PDE7A: variants seen among roughly 807,000 people sequenced by gnomAD.
PDE7A encodes the protein high affinity 3',5'-cyclic-AMP phosphodiesterase 7A.
In PDE7A, 39 loss-of-function variants were observed where a neutral mutation model predicts 64.3. The ratio of observed to expected loss-of-function variants is 0.61; its 90% CI spans 0.47 to 0.79. The LOEUF (loss-of-function observed/expected upper bound fraction) is 0.79, where lower values mean the gene tolerates loss of function less well. PDE7A is among the 30% of genes least tolerant of loss of function. PDE7A has a pLI of 0.00. For synonymous variants in PDE7A, 203 were observed against 206.8 expected, an observed-to-expected ratio of 0.98 and a Z score of 0.16; for missense variants, 470 against 582.8, an observed-to-expected ratio of 0.81 and a Z score of 1.99.
intron 1 of PDE7A, among the ~76,000 whole-genome samples, chr8:65,812,227 A>G (rs1810274548): frequency 1.3e-5 from 2 of 152,206 alleles, no homozygotes; most frequent in South Asian, 4.1e-4. Context: ...AAAAAAAAAA[A>G]AGTCCAGGAA....
chr8:65,765,200 A>G lies in PDE7A; in HGVS notation c.283+14520T>C, dbSNP rs1344924035. Among the ~76,000 whole-genome samples the G allele has an allele frequency of 2.0e-5, 3 of 152,182 alleles. No homozygotes were observed. The East Asian group carries it at 5.8e-4, about 29-fold the overall frequency. On this transcript the variant is annotated intron_variant, in intron 3 of 12. Transcript: ENST00000401827. Reference sequence around the variant, plus strand: ...TTAAAATGAATACAGAGCTCAAGATAATGGGCGAGCCGGGCGCGGTGGCTC... The same window carrying G: ...TTAAAATGAATACAGAGCTCAAGATGATGGGCGAGCCGGGCGCGGTGGCTC...
intron 1 of PDE7A, among the ~76,000 whole-genome samples, chr8:65,785,612 A>G (rs990646335): frequency 1.3e-5 from 2 of 152,150 alleles, no homozygotes; most frequent in African/African-American, 4.8e-5. Flanking sequence ...CAATACCACC[A>G]ATCTAGGGGT....
intron 5 of PDE7A, among the ~76,000 whole-genome samples, chr8:65,740,836 T>C (rs1412111556): frequency 6.6e-6 from 1 of 152,170 alleles, no homozygotes; most frequent in African/African-American, 2.4e-5. Flanking sequence ...AGCATCAGCA[T>C]TCAGACATGT....
rs538143314 is a variant in PDE7A at position 65,775,759 on chromosome 8, C to G, written c.283+3961G>C. Among the ~76,000 whole-genome samples the G allele has an allele frequency of 1.1e-4, 16 of 152,300 alleles. No individual in the cohort carries two copies. The South Asian group carries it at 3.3e-3, about 32-fold the overall frequency. On this transcript the variant is annotated intron_variant, in intron 3 of 12. Transcript: ENST00000401827. ...TCTCCTGCCTCAGCCTCCTGAGTGG[C>G]TGGGATTACAGGCACGCACCACTGC...
chr8:65,749,351 A>G (rs1285684071), intron 3 of PDE7A, among the ~76,000 whole-genome samples: 2 of 152,234 alleles, frequency 1.3e-5, no homozygotes, highest in Non-Finnish European at 2.9e-5. Context: ...TGAGGTTCCC[A>G]TACACACAAA....
At chr8:65,752,005 C>T (rs1265477025) in intron 3 of PDE7A, among the ~76,000 whole-genome samples, 2 of 152,228 alleles carry the variant, frequency 1.3e-5, no homozygotes, top group Middle Eastern at 3.4e-3. Context: ...TTTAGCCAGT[C>T]CTCTACTGAA....
intron 1 of PDE7A, among the ~76,000 whole-genome samples, chr8:65,798,390 A>G (rs1237513250): frequency 6.6e-6 from 1 of 151,564 alleles, no homozygotes; most frequent in East Asian, 1.9e-4. Flanking sequence ...TTGTATTTTT[A>G]CTAGAGATGG....
chr8:65,828,252 T>A (rs1376278634), intron 1 of PDE7A, among the ~76,000 whole-genome samples: 1 of 152,118 alleles, frequency 6.6e-6, no homozygotes, highest in African/African-American at 2.4e-5. Context: ...CCTTCCAGAT[T>A]TGGATGTTTT....
intron 3 of PDE7A, among the ~76,000 whole-genome samples, chr8:65,756,889 G>A (rs894046632): frequency 6.6e-6 from 1 of 151,956 alleles, no homozygotes; most frequent in Non-Finnish European, 1.5e-5. Flanking sequence ...TACTCCTCCA[G>A]GATTGTTTAT....
intron 7 of PDE7A, among the ~76,000 whole-genome samples, chr8:65,733,041 A>G (rs1271769964): frequency 6.6e-6 from 1 of 152,162 alleles, no homozygotes; most frequent in Admixed American, 6.5e-5. Context: ...GTTCACTATG[A>G]TAAGGGAGAA....
intron 5 of PDE7A, among the ~76,000 whole-genome samples, chr8:65,742,297 C>T (rs1028186221): frequency 1.3e-5 from 2 of 152,180 alleles, no homozygotes; most frequent in African/African-American, 4.8e-5. Context: ...ACCCTGACAA[C>T]GCAGGCCTGG....
rs115758657 is a variant in PDE7A, at chr8:65,840,289, A to G, written c.138+1082T>C. Reference sequence around the variant, plus strand: ...AAAGGATTCAGAGAGAGACCCAAATATAGGCTCTTGCTCCTTCTACAAACA... The same window carrying G: ...AAAGGATTCAGAGAGAGACCCAAATGTAGGCTCTTGCTCCTTCTACAAACA... On this transcript the variant is annotated intron_variant, in intron 1 of 12. Transcript: ENST00000401827. 5.8e-3 allele frequency among the ~76,000 whole-genome samples: 890 copies of G among 152,326 alleles called. 9 individuals are homozygous for G. The highest frequency in any genetic ancestry group is 0.02 in the African/African-American group (841 of 41,558).
intron 1 of PDE7A, among the ~76,000 whole-genome samples, chr8:65,794,301 T>G (rs1407763642): frequency 6.6e-6 from 1 of 152,108 alleles, no homozygotes; most frequent in African/African-American, 2.4e-5. Flanking sequence ...AATGGGACAG[T>G]GCACCCACCA....
chr8:65,799,444 C>T (rs986628890), intron 1 of PDE7A, among the ~76,000 whole-genome samples: 2 of 152,060 alleles, frequency 1.3e-5, no homozygotes, highest in Non-Finnish European at 2.9e-5. Context: ...GAGACTAATA[C>T]ACATTTTGGA....
rs1806288265 is a variant in PDE7A, at chr8:65,719,537, A to G, written c.1244-42T>C. The stretch of plus-strand genomic sequence containing the variant: ...AAAAAGTTATTAACATATATGCTGA[A>G]ACTCTATCTTTAAAACATCATCTAT... On this transcript the variant is annotated intron_variant, in intron 12 of 12. Coordinates refer to ENST00000401827, the MANE Select transcript of PDE7A (RefSeq NM_001242318.3). The G allele has an allele frequency of 3.1e-6, 4 of 1,273,568 alleles. No individual in the cohort carries two copies. In the South Asian group the frequency reaches 3.6e-5, roughly 11 times the overall value. 78.9% of individuals were successfully genotyped at this position (1,273,568 alleles called of 1,614,324 possible). A position where few individuals can be genotyped will look rare whatever the true frequency, so the allele number is the denominator to read the frequency against.
At chr8:65,765,488 C>CAAAAAAAAAAAAAAA (rs11342419) in intron 3 of PDE7A, 1 of 44,586 alleles carries the variant, frequency 2.2e-5, no homozygotes, top group Non-Finnish European at 3.8e-5. Flanking sequence ...GACTCCGTCT[C>CAAAAAAAAAAAAAAA]AAAAAAAAAA....
intron 1 of PDE7A, among the ~76,000 whole-genome samples, chr8:65,823,929 G>T (rs1810603890): frequency 6.6e-6 from 1 of 151,950 alleles, no homozygotes; most frequent in African/African-American, 2.4e-5. Context: ...CCACAAATAT[G>T]ACAAAATGTT....
chr8:65,785,093 G>A (rs2128924759), intron 1 of PDE7A, among the ~76,000 whole-genome samples: 1 of 152,138 alleles, frequency 6.6e-6, no homozygotes, highest in Admixed American at 6.5e-5. Context: ...TATCCTTAAT[G>A]CTTATCTTTT....
chr8:65,829,752 A>T (rs144162638), intron 1 of PDE7A, among the ~76,000 whole-genome samples: 3 of 152,244 alleles, frequency 2.0e-5, no homozygotes, highest in Admixed American at 2.0e-4. Context: ...GATTCCACAG[A>T]GTGATGAAGT....
Sources: allele counts gnomAD v4.1 joint callset (sites outside exome capture counted in the v4.1 genomes callset), GRCh38; gene constraint gnomAD v4.1.1; transcripts MANE v1.5; gene names NCBI Gene and HGNC (gene_info 2026-07-23, HGNC 2026-07-21).